MAF: variants seen among roughly 807,000 people sequenced by gnomAD.
The protein encoded by MAF is MAF bZIP transcription factor.
A neutral mutation model predicts 22.0 loss-of-function variants in MAF; 10 were observed. That is an observed-to-expected ratio of 0.45 (90% CI 0.28 to 0.77). MAF has a LOEUF of 0.77. Ranked by LOEUF, MAF falls within the 30% of genes least tolerant of loss-of-function variation. The pLI is 0.12. For missense variants in MAF, 544 were observed against 548.4 expected (o/e 0.99, Z 0.08); for synonymous variants, 337 against 255.8 (o/e 1.32, Z -3.03).
the MAF span, among the ~76,000 whole-genome samples, chr16:79,286,480 G>A: frequency 6.6e-6 from 1 of 152,114 alleles, no homozygotes; most frequent in African/African-American, 2.4e-5. Flanking sequence ...GATACATTTG[G>A]CAGTATGCTG....
chr16:79,445,505 A>T, the MAF span, among the ~76,000 whole-genome samples: 2 of 152,314 alleles, frequency 1.3e-5, no homozygotes, highest in Admixed American at 1.3e-4. Context: ...CTCAGCTGGG[A>T]TTCAAAACCC....
At chr16:79,458,109 A>AGTGTGTGTGTGTGTGTGTGTGTGTGT in the MAF span, among the ~76,000 whole-genome samples, 60 of 136,434 alleles carry the variant, frequency 4.4e-4, no homozygotes, top group Non-Finnish European at 6.5e-4. Flanking sequence ...GGTATGTATA[A>AGTGTGTGTGTGTGTGTGTGTGTGTGT]GTGTGTGTGT....
the MAF span, among the ~76,000 whole-genome samples, chr16:79,343,284 C>T: frequency 6.6e-6 from 1 of 151,928 alleles, no homozygotes; most frequent in African/African-American, 2.4e-5. Context: ...TCTTCTCTTC[C>T]TGGTTATTTC....
chr16:79,224,234 A>C, the MAF span, among the ~76,000 whole-genome samples: 4 of 152,240 alleles, frequency 2.6e-5, no homozygotes, highest in African/African-American at 9.6e-5. Flanking sequence ...GTAATCCATC[A>C]CATAAACAGA....
the MAF span, among the ~76,000 whole-genome samples, chr16:79,406,878 G>T: frequency 6.6e-6 from 1 of 152,176 alleles, no homozygotes; most frequent in African/African-American, 2.4e-5. Context: ...CAGTGGACCT[G>T]ATGAGACTTG....
chr16:79,323,894 A>G, the MAF span, among the ~76,000 whole-genome samples: 1 of 152,124 alleles, frequency 6.6e-6, no homozygotes, highest in Non-Finnish European at 1.5e-5. Flanking sequence ...CCTCCCTTTT[A>G]TTGCCTACGG....
chr16:79,389,976 CAAAAAAAAAAA>C, the MAF span, among the ~76,000 whole-genome samples: 16 of 62,966 alleles, frequency 2.5e-4, no homozygotes, highest in Middle Eastern at 0.025. Context: ...GACTCCATCT[CAAAAAAAAAAA>C]AAAAAAAAAA....
At chr16:79,417,322 A>G in the MAF span, among the ~76,000 whole-genome samples, 2 of 152,222 alleles carry the variant, frequency 1.3e-5, no homozygotes, top group African/African-American at 4.8e-5. Flanking sequence ...TGGTAAAATA[A>G]TTAGCATCAG....
the MAF span, among the ~76,000 whole-genome samples, chr16:79,236,140 A>G: frequency 6.6e-6 from 1 of 152,062 alleles, no homozygotes; most frequent in Non-Finnish European, 1.5e-5. Context: ...TTACAATGCA[A>G]GCATTTGACT....
chr16:79,381,530 G>T, the MAF span, among the ~76,000 whole-genome samples: 1 of 152,150 alleles, frequency 6.6e-6, no homozygotes, highest in Non-Finnish European at 1.5e-5. Context: ...TGTTTATTTG[G>T]GGAAAGCAAC....
chr16:79,210,019 G>C, the MAF span, among the ~76,000 whole-genome samples: 1 of 152,200 alleles, frequency 6.6e-6, no homozygotes, highest in Admixed American at 6.5e-5. Flanking sequence ...TAACAAACCA[G>C]CTACTATTAA....
the MAF span, among the ~76,000 whole-genome samples, chr16:79,207,402 C>G: frequency 2.0e-5 from 3 of 152,376 alleles, no homozygotes; most frequent in Admixed American, 2.0e-4. Flanking sequence ...CATGGGAACA[C>G]TGCCGTCTTC....
the MAF span, among the ~76,000 whole-genome samples, chr16:79,223,908 C>G: frequency 2.0e-5 from 3 of 152,146 alleles, no homozygotes; most frequent in Non-Finnish European, 4.4e-5. Flanking sequence ...CAGAGGGATT[C>G]AAAGCCAAAT....
At chr16:79,341,342 T>A in the MAF span, among the ~76,000 whole-genome samples, 1 of 152,164 alleles carries the variant, frequency 6.6e-6, no homozygotes, top group Non-Finnish European at 1.5e-5. Context: ...AATGAGCTCA[T>A]GCTGTGAAGT....
chr16:79,597,276 G>C, intron 1 of MAF: 1 of 1,044,972 alleles, frequency 9.6e-7, no homozygotes. Context: ...ATTTTAACTG[G>C]GCTAACAGAT....
chr16:79,386,256 A>G, the MAF span, among the ~76,000 whole-genome samples: 1 of 152,168 alleles, frequency 6.6e-6, no homozygotes, highest in East Asian at 1.9e-4. Context: ...ACAACTCACC[A>G]TAATGTAGAC....
At chr16:79,572,381 C>T in the MAF span, among the ~76,000 whole-genome samples, 30 of 152,256 alleles carry the variant, frequency 2.0e-4, no homozygotes, top group African/African-American at 6.7e-4. Flanking sequence ...TCCCCCAACA[C>T]TTTTGGCTGT....
the MAF span, among the ~76,000 whole-genome samples, chr16:79,401,865 G>A: frequency 1.3e-5 from 2 of 152,160 alleles, no homozygotes; most frequent in African/African-American, 4.8e-5. Context: ...TAGGGTCATT[G>A]ATGGTGGTTG....
the MAF span, among the ~76,000 whole-genome samples, chr16:79,500,764 A>G: frequency 6.6e-6 from 1 of 152,148 alleles, no homozygotes; most frequent in Non-Finnish European, 1.5e-5. Flanking sequence ...ACCAGTAGAG[A>G]TGCAGACTGA....
Sources: allele counts gnomAD v4.1 joint callset (sites outside exome capture counted in the v4.1 genomes callset), GRCh38; gene constraint gnomAD v4.1.1; transcripts MANE v1.5; gene names NCBI Gene and HGNC (gene_info 2026-07-23, HGNC 2026-07-21).